The following FBN2 variants were observed in gnomAD, a reference collection of about 807,000 sequenced individuals.
FBN2 encodes fibrillin-2.
Under a neutral mutation model 355.6 loss-of-function variants are expected in FBN2, and 105 were observed. The ratio of observed to expected loss-of-function variants is 0.30; its 90% CI spans 0.25 to 0.35. The LOEUF (loss-of-function observed/expected upper bound fraction) is 0.35. Ranked by LOEUF, FBN2 falls within the 10% of genes least tolerant of loss-of-function variation. FBN2 has a pLI of 1.00. For missense variants in FBN2, 3,280 were observed against 3,758.7 expected, an observed-to-expected ratio of 0.87 and a Z score of 3.33; for synonymous variants, 1,350 against 1,301.2, an observed-to-expected ratio of 1.04 and a Z score of -0.81.
chr5:128,467,269 CT>C (rs1754738511), intron 5 of FBN2, among the ~76,000 whole-genome samples: 1 of 152,110 alleles, frequency 6.6e-6, no homozygotes, highest in African/African-American at 2.4e-5. Flanking sequence ...TTAAGGCAAC[CT>C]TCCACTTGGC....
chr5:128,342,054 A>G (rs1342773363), intron 25 of FBN2, among the ~76,000 whole-genome samples: 8 of 152,088 alleles, frequency 5.3e-5, no homozygotes, highest in Non-Finnish European at 2.9e-5. Flanking sequence ...AACTTTCCAG[A>G]TGGGAAGTTA....
At chr5:128,409,916 T>C (rs1203767583) in intron 7 of FBN2, among the ~76,000 whole-genome samples, 1 of 152,216 alleles carries the variant, frequency 6.6e-6, no homozygotes, top group Admixed American at 6.5e-5. Context: ...CCAATGCCTT[T>C]CTTACATCCT....
At chr5:128,498,754 A>G (rs1755724710) in intron 5 of FBN2, among the ~76,000 whole-genome samples, 1 of 152,212 alleles carries the variant, frequency 6.6e-6, no homozygotes, top group South Asian at 2.1e-4. Flanking sequence ...TAGTACTTAA[A>G]AAGTGTGCAG....
chr5:128,421,909 A>G (rs1753358437), intron 7 of FBN2, among the ~76,000 whole-genome samples: 1 of 152,212 alleles, frequency 6.6e-6, no homozygotes, highest in Non-Finnish European at 1.5e-5. Context: ...TGAGATGCAG[A>G]GATAATCCTA....
intron 8 of FBN2, among the ~76,000 whole-genome samples, chr5:128,396,908 T>C (rs764500801): frequency 2.0e-5 from 3 of 152,214 alleles, no homozygotes; most frequent in Non-Finnish European, 4.4e-5. Context: ...CATTAACAGG[T>C]AAAGTTAAAA....
Position 128,345,250 on chromosome 5 carries a change from G to T in FBN2, c.3217+107C>A. 6 of 937,192 alleles carry T rather than the reference G, an allele frequency of 6.4e-6. No homozygotes were observed. In the South Asian group the frequency reaches 7.9e-5, roughly 12 times the overall value. 58.1% of individuals were successfully genotyped at this position (937,192 alleles called of 1,614,324 possible). ...GGTCACAAAACCTAAGTTTAACTGA[G>T]AAAATAAAGTGGGAAGTCAAACATT... On this transcript the variant is annotated intron_variant, in intron 24 of 64. Coordinates refer to ENST00000262464, the MANE Select transcript of FBN2 (RefSeq NM_001999.4).
At chr5:128,299,188 G>A (rs60150145) in intron 48 of FBN2, among the ~76,000 whole-genome samples, 7,232 of 151,396 alleles carry the variant, frequency 0.048, 535 homozygotes, top group African/African-American at 0.16. Context: ...CAGTCTGCCC[G>A]TTCTCAGATC....
chr5:128,412,783 CA>C (rs1753104926), intron 7 of FBN2, among the ~76,000 whole-genome samples: 1 of 152,126 alleles, frequency 6.6e-6, no homozygotes, highest in Non-Finnish European at 1.5e-5. Flanking sequence ...GGAGTTTAAA[CA>C]AAAGAATTAC....
intron 5 of FBN2, among the ~76,000 whole-genome samples, chr5:128,476,589 T>C (rs1457012294): frequency 1.3e-5 from 2 of 151,832 alleles, no homozygotes; most frequent in Non-Finnish European, 2.9e-5. Flanking sequence ...ATAAGATTTA[T>C]CTAACTAAAA....
intron 5 of FBN2, among the ~76,000 whole-genome samples, chr5:128,492,552 C>T (rs1029120458): frequency 2.0e-5 from 3 of 152,092 alleles, no homozygotes; most frequent in Non-Finnish European, 4.4e-5. Context: ...CCTGTAATCC[C>T]AGCACTTTGG....
intron 7 of FBN2, among the ~76,000 whole-genome samples, chr5:128,445,444 T>C (rs762203196): frequency 6.6e-6 from 1 of 152,212 alleles, no homozygotes; most frequent in Non-Finnish European, 1.5e-5. Context: ...CTATCTCTTA[T>C]GAAATAATAT....
chr5:128,434,424 A>ATATG lies in FBN2; in HGVS notation c.952+12056_952+12057insCATA, dbSNP rs1168426536. On this transcript the variant is annotated intron_variant, in intron 7 of 64. Transcript: ENST00000262464. ...TATATATATATATATATATATATAT[A>ATATG]TGGGCAGTAAGTGACAGCACTGGCG... 2.7e-3 allele frequency among the ~76,000 whole-genome samples: 357 copies of ATATG among 130,500 alleles called. 21 individuals are homozygous for ATATG. Among genetic ancestry groups the ATATG allele is most frequent in the Non-Finnish European group, 3.1e-3 (197 of 62,636 alleles). The allele number at this position is 130,500 out of a possible 152,430, so 85.6% of individuals were successfully genotyped here. A position where few individuals can be genotyped will look rare whatever the true frequency, so the allele number is the denominator to read the frequency against.
chr5:128,338,349 A>G (rs1299847641), intron 26 of FBN2, among the ~76,000 whole-genome samples: 1 of 152,220 alleles, frequency 6.6e-6, no homozygotes, highest in Non-Finnish European at 1.5e-5. Flanking sequence ...ATTGCATGAA[A>G]TCAGCAGGCT....
intron 41 of FBN2, among the ~76,000 whole-genome samples, chr5:128,308,832 G>T (rs371337297): frequency 1.3e-5 from 2 of 151,920 alleles, no homozygotes; most frequent in South Asian, 2.1e-4. Context: ...TATTTTCCAC[G>T]GCTGAACTAA....
intron 5 of FBN2, among the ~76,000 whole-genome samples, chr5:128,500,592 C>T (rs1297478396): frequency 6.6e-6 from 1 of 151,784 alleles, no homozygotes; most frequent in Non-Finnish European, 1.5e-5. Flanking sequence ...CTACAGGCGC[C>T]TGCCACCGCA....
intron 6 of FBN2, among the ~76,000 whole-genome samples, chr5:128,449,070 A>C (rs1388818626): frequency 1.3e-5 from 2 of 151,872 alleles, no homozygotes; most frequent in East Asian, 3.9e-4. Flanking sequence ...AATGAAAAGC[A>C]GTAGGAATGG....
intron 6 of FBN2, among the ~76,000 whole-genome samples, chr5:128,463,054 G>A (rs535200174): frequency 3.3e-5 from 5 of 151,924 alleles, no homozygotes; most frequent in Admixed American, 6.5e-5. Flanking sequence ...AAAGGGTACC[G>A]AATAAACAAA....
At chr5:128,306,317 G>A (rs1480590178) in intron 42 of FBN2, among the ~76,000 whole-genome samples, 1 of 152,050 alleles carries the variant, frequency 6.6e-6, no homozygotes, top group Non-Finnish European at 1.5e-5. Flanking sequence ...TCATAATGGA[G>A]ACTTAAAATT....
At chr5:128,263,990 C>A (rs1351454273) in intron 62 of FBN2, among the ~76,000 whole-genome samples, 1 of 152,016 alleles carries the variant, frequency 6.6e-6, no homozygotes, top group African/African-American at 2.4e-5. Context: ...TCGGGCAAAT[C>A]CTTAGAGATA....
Sources: allele counts gnomAD v4.1 joint callset (sites outside exome capture counted in the v4.1 genomes callset), GRCh38; gene constraint gnomAD v4.1.1; transcripts MANE v1.5; gene names NCBI Gene and HGNC (gene_info 2026-07-23, HGNC 2026-07-21).